Variants in CSMD3 observed in about 807,000 individuals in gnomAD.
CSMD3 encodes CUB and sushi domain-containing protein 3.
CSMD3 carries 177 observed loss-of-function variants against 435.2 expected under a neutral mutation model. The ratio of observed to expected loss-of-function variants is 0.41; its 90% CI spans 0.36 to 0.46. The LOEUF (loss-of-function observed/expected upper bound fraction) is 0.46. Among genes scored for constraint, CSMD3 ranks in the 20% least tolerant of loss-of-function variants. The pLI is 0.34. For synonymous variants in CSMD3, 1,656 were observed against 1,520.5 expected, an observed-to-expected ratio of 1.09 and a Z score of -2.07; for missense variants, 4,265 against 4,504.6, an observed-to-expected ratio of 0.95 and a Z score of 1.52.
At chr8:113,233,461 AAACT>A (rs2093112467) in intron 3 of CSMD3, among the ~76,000 whole-genome samples, 2 of 150,938 alleles carry the variant, frequency 1.3e-5, no homozygotes, top group South Asian at 4.2e-4. Context: ...ATAAAAAAGT[AAACT>A]AATAATTATA....
At chr8:112,935,681 A>G (rs991472507) in intron 9 of CSMD3, among the ~76,000 whole-genome samples, 1 of 150,574 alleles carries the variant, frequency 6.6e-6, no homozygotes, top group African/African-American at 2.4e-5. Context: ...AATAAGAAGA[A>G]TGATCCAAAA....
intron 4 of CSMD3, among the ~76,000 whole-genome samples, chr8:113,117,660 A>G (rs948107303): frequency 1.3e-5 from 2 of 152,212 alleles, no homozygotes; most frequent in African/African-American, 4.8e-5. Flanking sequence ...ACTCAACACC[A>G]GCCTGTAAAG....
intron 67 of CSMD3, 114 bp downstream of exon 67, chr8:112,237,076 G>A: frequency 8.1e-7 from 1 of 1,229,370 alleles, no homozygotes; most frequent in Non-Finnish European, 1.2e-6. Context: ...GTCATCAAAA[G>A]CAAATGTATC....
At chr8:112,370,992 T>C (rs1167963013) in intron 38 of CSMD3, among the ~76,000 whole-genome samples, 1 of 152,152 alleles carries the variant, frequency 6.6e-6, no homozygotes, top group Non-Finnish European at 1.5e-5. Context: ...ACTTCTGGGC[T>C]GGGTTGATTT....
At chr8:113,279,378 T>C (rs1490510834) in intron 2 of CSMD3, among the ~76,000 whole-genome samples, 1 of 151,310 alleles carries the variant, frequency 6.6e-6, no homozygotes, top group African/African-American at 2.4e-5. Context: ...ATTAATAAAA[T>C]AGAAACAATA....
In CSMD3 at chr8:112,691,845, G is replaced by C. The variant is rs549876094; in HGVS notation, c.1973-1795C>G. Among the ~76,000 whole-genome samples the C allele has an allele frequency of 1.3e-3, 192 of 152,202 alleles. 6 individuals are homozygous for C. The South Asian group carries it at 0.022, about 17-fold the overall frequency. On this transcript the variant is annotated intron_variant, in intron 13 of 70. Coordinates refer to ENST00000297405, the MANE Select transcript of CSMD3 (RefSeq NM_198123.2). ...ACAGAGTCTCTTACTCTGTCACCCA[G>C]GCTGAAGTGCAGTGGCGTGATCTCG... is the stretch of plus-strand genomic sequence containing the variant.
At chr8:113,205,481 G>C (rs954877854) in intron 3 of CSMD3, among the ~76,000 whole-genome samples, 5 of 152,086 alleles carry the variant, frequency 3.3e-5, no homozygotes, top group African/African-American at 1.2e-4. Context: ...GGAGCAATAG[G>C]CTATATCATA....
rs191218765 is a variant in CSMD3, at chr8:113,106,168, A to G, written c.710-7205T>C. ...ACGAACCAAAATCAAAGATGAATAC[A>G]TGTTAGAGAATATATAACCACAGCA... is the stretch of plus-strand genomic sequence containing the variant. On this transcript the variant is annotated intron_variant, in intron 4 of 70. Coordinates refer to ENST00000297405, the MANE Select transcript of CSMD3 (RefSeq NM_198123.2). 1.7e-3 allele frequency among the ~76,000 whole-genome samples: 260 copies of G among 152,206 alleles called. 1 individual carries two copies. Among genetic ancestry groups the G allele is most frequent in the Non-Finnish European group, 1.4e-3 (94 of 68,014 alleles).
intron 3 of CSMD3, among the ~76,000 whole-genome samples, chr8:113,229,153 T>C (rs1295147615): frequency 6.6e-6 from 1 of 151,658 alleles, no homozygotes; most frequent in African/African-American, 2.4e-5. Context: ...GTTTCAATAA[T>C]GTATGTGAAA....
chr8:112,336,929 C>T, intron 43 of CSMD3, 100 bp from the exon 44 acceptor site: 1 of 974,932 alleles, frequency 1.0e-6, no homozygotes, highest in South Asian at 1.4e-5. Context: ...CATTATGAAA[C>T]ACATTTATGC....
At chr8:112,831,029 C>T (rs963151041) in intron 11 of CSMD3, among the ~76,000 whole-genome samples, 4 of 151,926 alleles carry the variant, frequency 2.6e-5, no homozygotes, top group African/African-American at 4.8e-5. Flanking sequence ...CCTCGTGATC[C>T]GCCCACCTCG....
chr8:112,396,788 T>C (rs893556562), intron 35 of CSMD3, among the ~76,000 whole-genome samples: 1 of 152,178 alleles, frequency 6.6e-6, no homozygotes, highest in African/African-American at 2.4e-5. Flanking sequence ...CCAAAAATTA[T>C]ACATAATACA....
chr8:112,366,938 T>G (rs1827839355), intron 38 of CSMD3, among the ~76,000 whole-genome samples: 2 of 152,126 alleles, frequency 1.3e-5, no homozygotes, highest in South Asian at 4.1e-4. Context: ...ATTTTTAAAT[T>G]TATATTTTAA....
At chr8:112,644,612 C>T (rs2074927471) in intron 20 of CSMD3, among the ~76,000 whole-genome samples, 1 of 151,918 alleles carries the variant, frequency 6.6e-6, no homozygotes, top group Non-Finnish European at 1.5e-5. Flanking sequence ...ATCTATAGCT[C>T]TGTACTAAAG....
chr8:113,010,402 T>C (rs979126012), intron 6 of CSMD3, among the ~76,000 whole-genome samples: 1 of 151,792 alleles, frequency 6.6e-6, no homozygotes, highest in Non-Finnish European at 1.5e-5. Context: ...AAATTTTAAG[T>C]TTATTCTCTT....
intron 7 of CSMD3, among the ~76,000 whole-genome samples, chr8:112,970,818 T>C (rs1377834859): frequency 6.6e-6 from 1 of 151,824 alleles, no homozygotes; most frequent in Non-Finnish European, 1.5e-5. Context: ...GCCTCCTGGG[T>C]TCACGCTATT....
At chr8:112,626,318 C>T (rs1834471496) in intron 22 of CSMD3, among the ~76,000 whole-genome samples, 1 of 152,020 alleles carries the variant, frequency 6.6e-6, no homozygotes, top group Non-Finnish European at 1.5e-5. Flanking sequence ...AATTTATAGT[C>T]CTAGTTTGTT....
chr8:112,303,971 A>G (rs1268193840), intron 52 of CSMD3, among the ~76,000 whole-genome samples: 1 of 152,166 alleles, frequency 6.6e-6, no homozygotes, highest in Non-Finnish European at 1.5e-5. Context: ...GAAACAAAAC[A>G]GACAATAAAT....
chr8:112,872,526 T>C (rs1032576215), intron 10 of CSMD3, among the ~76,000 whole-genome samples: 18 of 152,088 alleles, frequency 1.2e-4, no homozygotes, highest in African/African-American at 4.1e-4. Flanking sequence ...AGAAATATAA[T>C]GTACAGATTT....
Sources: gnomAD v4.1 joint callset for allele counts (sites outside exome capture counted in the v4.1 genomes callset) on GRCh38, gnomAD v4.1.1 for gene constraint, MANE v1.5 for transcripts, NCBI Gene and HGNC (gene_info 2026-07-23, HGNC 2026-07-21) for gene names.